Variants in TFAP2A observed in about 807,000 individuals in gnomAD.
The protein encoded by TFAP2A is transcription factor AP-2 alpha.
In TFAP2A, 7 loss-of-function variants were observed where a neutral mutation model predicts 41.5. The observed-to-expected ratio is 0.17, with a 90% confidence interval of 0.10 to 0.32. The LOEUF is 0.32. TFAP2A is among the 10% of genes least tolerant of loss of function. The pLI is 1.00. For synonymous variants in TFAP2A, 247 were observed against 242.8 expected (o/e 1.02, Z -0.16); for missense variants, 416 against 563.3 (o/e 0.74, Z 2.65).
chr6:10,404,361 C>G (rs1189155086), intron 4 of TFAP2A, 147 bp downstream of exon 4: 3 of 465,332 alleles, frequency 6.4e-6, no homozygotes, highest in Non-Finnish European at 1.0e-5. Flanking sequence ...CCACTTGGCT[C>G]TACGCTCTTC....
At chr6:10,419,285 C>T, upstream of TFAP2A, 1 of 1,048,564 alleles carries the variant, frequency 9.5e-7, no homozygotes. Flanking sequence ...CTCTCCTGGG[C>T]GCTGCCAGGC....
In TFAP2A at chr6:10,397,717, CATAA is replaced by C. The variant is rs1761827133; in HGVS notation, c.*696_*699del. On this transcript the variant is annotated 3_prime_UTR_variant, in exon 7 of 7. Coordinates refer to ENST00000379613, the MANE Select transcript of TFAP2A (RefSeq NM_001372066.1). ...TATTTACAATTCCCATTAAATTACACATAAATAAATATATACAGAGACGTGAACA... is the reference window on the plus strand; with the variant it reads ...TATTTACAATTCCCATTAAATTACACATAAATATATACAGAGACGTGAACA... 3.0e-6 allele frequency: 1 copy of C among 329,254 alleles called. No homozygotes were observed. The highest frequency in any genetic ancestry group is 4.3e-6 in the Non-Finnish European group (1 of 230,488). The allele number at this position is 329,254 out of a possible 1,614,324, so 20.4% of individuals were successfully genotyped here. A position where few individuals can be genotyped will look rare whatever the true frequency, so the allele number is the denominator to read the frequency against.
intron 4 of TFAP2A, among the ~76,000 whole-genome samples, chr6:10,403,924 G>A (rs1238458220): frequency 1.3e-5 from 2 of 152,206 alleles, no homozygotes; most frequent in Admixed American, 6.5e-5. Context: ...ATATGCAAAC[G>A]CCTATAGTAT....
At chr6:10,406,898 T>C (rs1757740821) in intron 2 of TFAP2A, 54 bp from the exon 3 acceptor site, 1 of 1,415,330 alleles carries the variant, frequency 7.1e-7, no homozygotes, top group Non-Finnish European at 1.0e-6. Context: ...CAAAAGGAAA[T>C]GAATATTCCC....
chr6:10,408,064 A>T (rs181920982), intron 2 of TFAP2A: 1 of 152,366 alleles, frequency 6.6e-6, no homozygotes, highest in Non-Finnish European at 1.5e-5. Flanking sequence ...GACCTTGTCC[A>T]TACAGGGAAG....
At chr6:10,412,098 G>A (rs1757995983) in intron 1 of TFAP2A, 1 of 995,416 alleles carries the variant, frequency 1.0e-6, no homozygotes, top group South Asian at 4.5e-5. Flanking sequence ...AGCGTGAAGC[G>A]GAGAGGCAAC....
intron 2 of TFAP2A, chr6:10,409,590 G>A (rs924309143): frequency 2.8e-6 from 1 of 362,790 alleles, no homozygotes; most frequent in African/African-American, 2.1e-5. Flanking sequence ...TTTAGCAATT[G>A]AGACAGTTTA....
In TFAP2A at chr6:10,404,626, C is replaced by T; in HGVS notation, c.652G>A (p.Gly218Ser). ...NPNEVFCSVPGRLSLLSSTSK... is the reference protein window; with the variant it reads ...NPNEVFCSVPSRLSLLSSTSK... Reference sequence around the variant, plus strand: ...GTGGAGCTGAGGAGCGAGAGGCGACCCGGAACTGAACAGAAGACTTCGTTG... The same window carrying T: ...GTGGAGCTGAGGAGCGAGAGGCGACTCGGAACTGAACAGAAGACTTCGTTG... Residue 218 changes from glycine (G) to serine (S), a missense_variant, in exon 4 of 7, where the codon GGT (glycine) becomes AGT (serine). Transcript: ENST00000379613. The T allele has an allele frequency of 6.2e-7, 1 of 1,614,186 alleles. No homozygotes were observed. Among genetic ancestry groups the T allele is most frequent in the Non-Finnish European group, 8.5e-7 (1 of 1,180,030 alleles).
In TFAP2A at chr6:10,409,915, T is replaced by C. The variant is rs751678511; in HGVS notation, c.472A>G (p.Ile158Val). ...DLSIHSLPHA[I>V]EEVPHVEDPG... ...CGGCCTCTTACCGGGACCTCCTCGA[T>C]GGCGTGAGGTAAGGAGTGGATCGAG... The change falls in exon 2 of 7, where the codon ATC becomes GTC. Residue 158 changes from isoleucine (I) to valine (V), a missense_variant. By Grantham distance (29) the Ile-to-Val change is conservative. Transcript: ENST00000379613. 4.5e-5 allele frequency: 69 copies of C among 1,549,582 alleles called. No homozygotes were observed. The highest frequency in any genetic ancestry group is 1.7e-4 in the Middle Eastern group (1 of 6,000).
intron 2 of TFAP2A, chr6:10,407,382 C>G (rs1316156925): frequency 1.3e-5 from 2 of 153,872 alleles, no homozygotes; most frequent in African/African-American, 4.8e-5. Context: ...AGACTACTGC[C>G]TAAGCCTGGG....
At chr6:10,400,614 C>A (rs374606401) in intron 5 of TFAP2A, 25 bp from the exon 6 acceptor site, 2 of 1,613,768 alleles carry the variant, frequency 1.2e-6, no homozygotes, top group South Asian at 1.1e-5. Flanking sequence ...GAGGAGGGAG[C>A]CAGTGCGAGA....
rs199623402 is a variant in TFAP2A at position 10,402,944 on chromosome 6, A to G, written c.771-334T>C. 9.9e-5 allele frequency among the ~76,000 whole-genome samples: 15 copies of G among 152,244 alleles called. No individual in the cohort carries two copies. The East Asian group carries it at 2.3e-3, about 23-fold the overall frequency. On this transcript the variant is annotated intron_variant, in intron 4 of 6. Transcript: ENST00000379613. ...TATTGAGTTCAACTGATTCCTGTATATTTTCTCTGCTGTTACAATCACACC... is the reference window on the plus strand; with the variant it reads ...TATTGAGTTCAACTGATTCCTGTATGTTTTCTCTGCTGTTACAATCACACC...
At chr6:10,406,869 T>G in intron 2 of TFAP2A, 25 bp from the exon 3 acceptor site, 2 of 1,583,956 alleles carry the variant, frequency 1.3e-6, no homozygotes, top group Non-Finnish European at 1.7e-6. Flanking sequence ...TACACATGGA[T>G]GTAAGTGTAT....
At chr6:10,413,180 C>G (rs1466080942) in intron 1 of TFAP2A, among the ~76,000 whole-genome samples, 1 of 152,248 alleles carries the variant, frequency 6.6e-6, no homozygotes, top group Non-Finnish European at 1.5e-5. Context: ...CAGACTGCCC[C>G]AAGCCAGCTC....
In TFAP2A at chr6:10,398,763, C is replaced by T. The variant is rs1158760; in HGVS notation, c.1032-58G>A. 6.3e-7 allele frequency: 1 copy of T among 1,590,226 alleles called. No individual in the cohort carries two copies. The highest frequency in any genetic ancestry group is 8.6e-7 in the Non-Finnish European group (1 of 1,164,986). ...AAGGCTCCACTATGGGCAGCACTAGCAGCAAAGAGAAAACCTCCCTCCCTG... is the reference window on the plus strand; with the variant it reads ...AAGGCTCCACTATGGGCAGCACTAGTAGCAAAGAGAAAACCTCCCTCCCTG... On this transcript the variant is annotated intron_variant, in intron 6 of 6. Transcript: ENST00000379613. The surrounding 1 kb of genome is among the most constrained non-coding windows in gnomAD (Gnocchi z 5.3).
intron 2 of TFAP2A, chr6:10,407,357 C>T (rs1479866471): frequency 6.5e-6 from 1 of 154,626 alleles, no homozygotes; most frequent in Non-Finnish European, 1.4e-5. Flanking sequence ...GAAAACTCCA[C>T]ATAAATTTTT....
rs760518852 is a variant in TFAP2A, at chr6:10,398,407, G to C, written c.*10C>G. On this transcript the variant is annotated 3_prime_UTR_variant, in exon 7 of 7. Transcript: ENST00000379613. The surrounding 1 kb of genome is among the most constrained non-coding windows in gnomAD (Gnocchi z 5.3). The stretch of plus-strand genomic sequence containing the variant: ...GTGAGGCGTGGGAGGGGCGGGGCGG[G>C]AGGAGAGCCTCACTTTCTGTGCTTC... 1.4e-6 allele frequency: 2 copies of C among 1,441,456 alleles called. No homozygotes were observed. The highest frequency in any genetic ancestry group is 1.9e-6 in the Non-Finnish European group (2 of 1,045,106). 89.3% of individuals were successfully genotyped at this position (1,441,456 alleles called of 1,614,324 possible).
intron 1 of TFAP2A, chr6:10,412,605 G>A (rs1249339638): frequency 8.3e-6 from 2 of 241,020 alleles, no homozygotes; most frequent in Non-Finnish European, 1.7e-5. Flanking sequence ...GGCAGACCTC[G>A]GGATGCAGCG....
intron 2 of TFAP2A, chr6:10,407,952 T>G (rs1378463279): frequency 6.6e-6 from 1 of 152,254 alleles, no homozygotes; most frequent in Non-Finnish European, 1.5e-5. Context: ...CTGCAGTTCT[T>G]GTGTTTTAAC....
Sources: allele counts gnomAD v4.1 joint callset (sites outside exome capture counted in the v4.1 genomes callset), GRCh38; gene constraint gnomAD v4.1.1; non-coding constraint Gnocchi (gnomAD v3.1); transcripts MANE v1.5; gene names NCBI Gene and HGNC (gene_info 2026-07-23, HGNC 2026-07-21).